PRKAR1B: variants seen among roughly 807,000 people sequenced by gnomAD.
PRKAR1B encodes cAMP-dependent protein kinase type I-beta regulatory subunit.
PRKAR1B carries 22 observed loss-of-function variants against 46.5 expected under a neutral mutation model. That is an observed-to-expected ratio of 0.47 (90% confidence interval 0.34 to 0.68). PRKAR1B has a LOEUF of 0.68. Ranked by LOEUF, PRKAR1B falls within the 30% of genes least tolerant of loss-of-function variation. The pLI is 0.01. For missense variants in PRKAR1B, 445 were observed against 535.6 expected (o/e 0.83, Z 1.67); for synonymous variants, 259 against 217.7 (o/e 1.19, Z -1.67).
intron 8 of PRKAR1B, among the ~76,000 whole-genome samples, chr7:581,050 T>C (rs535920880): frequency 7.3e-4 from 111 of 152,234 alleles, no homozygotes; most frequent in African/African-American, 2.6e-3. Flanking sequence ...ACGCCTGTAA[T>C]CCCAGCACTT....
At position 627,898 on chromosome 7, in the gene PRKAR1B, C is replaced by T. The variant is rs140358105; in HGVS notation, c.441-20446G>A. On this transcript the variant is annotated intron_variant, in intron 4 of 10. Transcript: ENST00000537384. ...AGGTCTGTGCTGGGCGCCAGGTTGC[C>T]GGGAAATGGGGCACACACAGCCCCT... 6.7e-3 allele frequency among the ~76,000 whole-genome samples: 1,016 copies of T among 152,254 alleles called. 8 individuals are homozygous for T. Among genetic ancestry groups the T allele is most frequent in the Non-Finnish European group, 8.2e-3 (561 of 68,016 alleles).
chr7:722,828 C>T (rs185963352), intron 1 of PRKAR1B, among the ~76,000 whole-genome samples: 289 of 152,304 alleles, frequency 1.9e-3, no homozygotes, highest in Middle Eastern at 3.4e-3. Flanking sequence ...ATTTGGGTTA[C>T]GATGTTTGCA....
intron 2 of PRKAR1B, chr7:691,517 T>C (rs1321866544): frequency 7.7e-7 from 1 of 1,304,296 alleles, no homozygotes; most frequent in East Asian, 5.5e-5. Flanking sequence ...GGAGAGCAAA[T>C]GAAGAGGAGA....
intron 2 of PRKAR1B, among the ~76,000 whole-genome samples, chr7:703,858 A>G (rs1056935546): frequency 6.6e-6 from 1 of 152,190 alleles, no homozygotes; most frequent in South Asian, 2.1e-4. Flanking sequence ...TCAAAACCAT[A>G]TAAGCTATGT....
intron 9 of PRKAR1B, 93 bp downstream of exon 9, chr7:579,163 G>C (rs1428584875): frequency 6.2e-7 from 1 of 1,604,172 alleles, no homozygotes; most frequent in Non-Finnish European, 8.5e-7. Flanking sequence ...TGACTCCAGA[G>C]GGAGGGTGAG....
In PRKAR1B at chr7:579,390, G is replaced by A. The variant is rs1780053526; in HGVS notation, c.770-13C>T. 6.2e-7 allele frequency: 1 copy of A among 1,612,740 alleles called. No individual in the cohort carries two copies. The highest frequency in any genetic ancestry group is 1.3e-5 in the African/African-American group (1 of 75,064). The stretch of plus-strand genomic sequence containing the variant: ...TTCTCCAGGGACTCTGTCGGGGGAG[G>A]ATGAGGACAGGTCATCCCGGGGCCC... On this transcript the variant is annotated splice_polypyrimidine_tract_variant and intron_variant, in intron 8 of 10. Transcript: ENST00000537384.
rs575743523 is a variant in PRKAR1B, at chr7:551,404, G to A, written c.958C>T (p.Pro320Ser). Residue 320 changes from proline (P) to serine (S), a missense_variant, in exon 10 of 11, where the codon CCC becomes TCC. Pro to Ser is a moderately conservative substitution (Grantham distance 74, BLOSUM62 -1). This residue lies in a region of PRKAR1B where 127 missense variants were observed against 138.0 expected (regional missense o/e 0.92). Coordinates refer to ENST00000537384, the MANE Select transcript of PRKAR1B (RefSeq NM_001164760.2). ...CTGGACTCACCGAAGTAGTCAGAGG[G>A]TCCCAGGCGCCCCACCTCCACGTAC... ...EEYVEVGRLGPSDYFGEIALL... is the reference protein window; with the variant it reads ...EEYVEVGRLGSSDYFGEIALL... 1.0e-5 allele frequency: 16 copies of A among 1,559,246 alleles called. No individual in the cohort carries two copies. In the East Asian group the frequency reaches 1.9e-4, roughly 18 times the overall value.
At chr7:561,320 C>G (rs1778784712) in intron 9 of PRKAR1B, among the ~76,000 whole-genome samples, 1 of 152,230 alleles carries the variant, frequency 6.6e-6, no homozygotes, top group Non-Finnish European at 1.5e-5. Flanking sequence ...CAGCCCCTGC[C>G]TCTAAAGCAC....
intron 4 of PRKAR1B, among the ~76,000 whole-genome samples, chr7:642,048 G>C (rs1298568727): frequency 6.6e-6 from 1 of 151,994 alleles, no homozygotes; most frequent in Non-Finnish European, 1.5e-5. Context: ...GGGACTCCAG[G>C]CACGCACCAC....
At chr7:580,396 T>C (rs1013763259) in intron 8 of PRKAR1B, among the ~76,000 whole-genome samples, 2 of 120,344 alleles carry the variant, frequency 1.7e-5, no homozygotes, top group Admixed American at 7.7e-5. Context: ...TCTACTAAAA[T>C]ACAAAAAAAA....
At chr7:627,236 C>T (rs1476812065) in intron 4 of PRKAR1B, among the ~76,000 whole-genome samples, 5 of 152,130 alleles carry the variant, frequency 3.3e-5, no homozygotes, top group African/African-American at 9.7e-5. Flanking sequence ...GCAACCATCC[C>T]GCCTCAGCCT....
chr7:717,786 C>T (rs929062730), intron 1 of PRKAR1B, among the ~76,000 whole-genome samples: 1 of 152,182 alleles, frequency 6.6e-6, no homozygotes, highest in Non-Finnish European at 1.5e-5. Flanking sequence ...CTACACATGG[C>T]TCCTGGGTGT....
chr7:572,971 G>A (rs1025807759), intron 9 of PRKAR1B, among the ~76,000 whole-genome samples: 3 of 152,208 alleles, frequency 2.0e-5, no homozygotes, highest in Admixed American at 6.5e-5. Context: ...AACAAACGGC[G>A]GCCACGAGGG....
chr7:573,852 G>A (rs375283429), intron 9 of PRKAR1B, among the ~76,000 whole-genome samples: 80 of 152,184 alleles, frequency 5.3e-4, no homozygotes, highest in African/African-American at 1.8e-3. Flanking sequence ...TCTGCCCCTC[G>A]CCGGTCCCCA....
intron 4 of PRKAR1B, among the ~76,000 whole-genome samples, chr7:673,626 G>A (rs1027448790): frequency 1.3e-5 from 2 of 150,594 alleles, no homozygotes; most frequent in Non-Finnish European, 2.9e-5. Context: ...TGAAGCCTGG[G>A]CAACAGAGTG....
At chr7:630,722 AG>A (rs1431209135) in intron 4 of PRKAR1B, among the ~76,000 whole-genome samples, 1 of 152,076 alleles carries the variant, frequency 6.6e-6, no homozygotes, top group African/African-American at 2.4e-5. Context: ...CCAAAGCTGG[AG>A]GCTCCCTCAG....
At chr7:584,704 C>T (rs1562538789) in intron 7 of PRKAR1B, 136 bp from the exon 8 acceptor site, 2 of 756,762 alleles carry the variant, frequency 2.6e-6, no homozygotes, top group Non-Finnish European at 2.2e-6. Flanking sequence ...CCAAAGCCCT[C>T]GACGACTCGG....
At position 727,215 on chromosome 7, in the gene PRKAR1B, C is replaced by G; in HGVS notation, c.-28G>C. 7.4e-7 allele frequency: 1 copy of G among 1,350,708 alleles called. No individual in the cohort carries two copies. The highest frequency in any genetic ancestry group is 3.3e-5 in the East Asian group (1 of 30,444). The allele number at this position is 1,350,708 out of a possible 1,614,324, so 83.7% of individuals were successfully genotyped here. A position where few individuals can be genotyped will look rare whatever the true frequency, so the allele number is the denominator to read the frequency against. On this transcript the variant is annotated 5_prime_UTR_variant, in exon 1 of 11. Transcript: ENST00000537384. ...GCGCCGCGCTCGCGCCCCACCTGGA[C>G]GACGCTCTGCGCGCGCTGCGCTGCT...
chr7:627,512 C>T (rs1291831092), intron 4 of PRKAR1B, among the ~76,000 whole-genome samples: 10 of 152,198 alleles, frequency 6.6e-5, no homozygotes, highest in Non-Finnish European at 1.5e-4. Flanking sequence ...CCCAGGCGGT[C>T]GGACAGCCAC....
Sources: gnomAD v4.1 joint callset for allele counts (sites outside exome capture counted in the v4.1 genomes callset) on GRCh38, gnomAD v4.1.1 for gene constraint, gnomAD v4.1.1 regional missense constraint, MANE v1.5 for transcripts, NCBI Gene and HGNC (gene_info 2026-07-23, HGNC 2026-07-21) for gene names.